Variants in CALD1 observed in about 807,000 individuals in gnomAD.
CALD1 encodes caldesmon.
In CALD1, 33 loss-of-function variants were observed where a neutral mutation model predicts 99.9. That is an observed-to-expected ratio of 0.33 (90% confidence interval 0.25 to 0.44). CALD1 has a LOEUF of 0.44. Ranked by LOEUF, CALD1 falls within the 20% of genes least tolerant of loss-of-function variation. The pLI, the probability that CALD1 is intolerant of heterozygous loss-of-function variation, is 1.00. For missense variants in CALD1, 861 were observed against 962.1 expected, an observed-to-expected ratio of 0.89 and a Z score of 1.39; for synonymous variants, 310 against 325.0, an observed-to-expected ratio of 0.95 and a Z score of 0.50.
chr7:134,883,405 G>A (rs1801698890), intron 3 of CALD1, among the ~76,000 whole-genome samples: 1 of 151,740 alleles, frequency 6.6e-6, no homozygotes. Flanking sequence ...TCTTCATAAT[G>A]TGTTAACATT....
intron 9 of CALD1, among the ~76,000 whole-genome samples, chr7:134,951,006 G>A: frequency 6.6e-6 from 1 of 152,192 alleles, no homozygotes; most frequent in African/African-American, 2.4e-5. Flanking sequence ...AAAGATCAAG[G>A]TGCCAGCAGA....
chr7:134,777,218 G>T (rs1396397560), upstream of CALD1, among the ~76,000 whole-genome samples: 2 of 151,636 alleles, frequency 1.3e-5, no homozygotes, highest in Admixed American at 1.3e-4. Flanking sequence ...AAAGAAAGAA[G>T]AATTTTTCAA....
intron 1 of CALD1, among the ~76,000 whole-genome samples, chr7:134,764,384 G>T (rs1171469160): frequency 2.6e-5 from 4 of 152,202 alleles, no homozygotes. Context: ...GAGAAAAAAA[G>T]AGAAATATAG....
intron 13 of CALD1, among the ~76,000 whole-genome samples, chr7:134,964,150 T>C (rs751453918): frequency 3.8e-4 from 58 of 152,228 alleles, no homozygotes; most frequent in Admixed American, 9.2e-4. Flanking sequence ...TGAGCCGAGA[T>C]TGCGCCACTG....
At chr7:134,958,178 T>C in intron 10 of CALD1, 31 bp from the exon 11 acceptor site, 1 of 1,611,230 alleles carries the variant, frequency 6.2e-7, no homozygotes, top group Non-Finnish European at 8.5e-7. Flanking sequence ...TTCTCTCTCA[T>C]ATTTTTATAT....
chr7:134,937,781 A>G (rs1806106155), intron 6 of CALD1, among the ~76,000 whole-genome samples: 1 of 152,218 alleles, frequency 6.6e-6, no homozygotes, highest in East Asian at 1.9e-4. Context: ...AAATCACTCC[A>G]ATGTCTTAAA....
chr7:134,751,724 C>T (rs898366645), intron 1 of CALD1, among the ~76,000 whole-genome samples: 3 of 152,190 alleles, frequency 2.0e-5, no homozygotes, highest in African/African-American at 7.2e-5. Context: ...CAACTGTAGT[C>T]CCAGCACTTC....
At chr7:134,754,148 G>A (rs1409729346) in intron 1 of CALD1, among the ~76,000 whole-genome samples, 1 of 152,172 alleles carries the variant, frequency 6.6e-6, no homozygotes, top group African/African-American at 2.4e-5. Context: ...TCCTGGGTGA[G>A]GAAGTCACAA....
chr7:134,821,663 A>T (rs1490772248), intron 1 of CALD1, among the ~76,000 whole-genome samples: 1 of 129,744 alleles, frequency 7.7e-6, no homozygotes, highest in Non-Finnish European at 1.6e-5. Context: ...GCTCACTGCA[A>T]CCTCTGCCTC....
At chr7:134,864,185 C>T (rs1435940779) in intron 2 of CALD1, among the ~76,000 whole-genome samples, 3 of 152,012 alleles carry the variant, frequency 2.0e-5, no homozygotes, top group African/African-American at 4.8e-5. Flanking sequence ...CCCGTCTCTA[C>T]TAAAAATAAA....
the CALD1 span, among the ~76,000 whole-genome samples, chr7:134,731,211 T>C: frequency 1.1e-4 from 17 of 152,296 alleles, no homozygotes; most frequent in East Asian, 1.9e-3. Context: ...CCACTGGATC[T>C]TGCTCCTCTG....
At chr7:134,737,432 A>G in the CALD1 span, among the ~76,000 whole-genome samples, 1 of 152,106 alleles carries the variant, frequency 6.6e-6, no homozygotes, top group Non-Finnish European at 1.5e-5. Flanking sequence ...CCTGGCCTCC[A>G]TTAAGTTCTT....
At chr7:134,815,789 C>T (rs1798537276) in intron 1 of CALD1, among the ~76,000 whole-genome samples, 1 of 152,080 alleles carries the variant, frequency 6.6e-6, no homozygotes, top group African/African-American at 2.4e-5. Context: ...GAATACTTAC[C>T]ACCATTTACA....
chr7:134,729,360 A>G, the CALD1 span, among the ~76,000 whole-genome samples: 4 of 152,178 alleles, frequency 2.6e-5, no homozygotes, highest in African/African-American at 9.7e-5. Context: ...CCAGCTAGTA[A>G]ATGGTGGAGC....
At chr7:134,891,324 TA>T (rs1802152401) in intron 3 of CALD1, 4 of 1,131,128 alleles carry the variant, frequency 3.5e-6, no homozygotes, top group Non-Finnish European at 4.4e-6. Context: ...CTCTGATCGC[TA>T]AACATGATGG....
chr7:134,941,024 A>G lies in CALD1; in HGVS notation c.1387-68A>G. The G allele has an allele frequency of 2.9e-6, 4 of 1,390,966 alleles. No homozygotes were observed. In the South Asian group the frequency reaches 5.9e-5, roughly 21 times the overall value. 86.2% of individuals were successfully genotyped at this position (1,390,966 alleles called of 1,614,324 possible). On this transcript the variant is annotated intron_variant, in intron 6 of 14. Coordinates refer to ENST00000361675, the MANE Select transcript of CALD1 (RefSeq NM_033138.4). The stretch of plus-strand genomic sequence containing the variant: ...TCCTAACAATTTTGGGTCTTACTTG[A>G]TGATACCAACCAAAACCTAATAAGA...
At chr7:134,759,415 G>T (rs978950363) in intron 1 of CALD1, among the ~76,000 whole-genome samples, 1 of 152,166 alleles carries the variant, frequency 6.6e-6, no homozygotes, top group African/African-American at 2.4e-5. Flanking sequence ...CAGTCATAAA[G>T]GTTACCTAGA....
At chr7:134,939,749 G>A (rs1424496501) in intron 6 of CALD1, among the ~76,000 whole-genome samples, 7 of 152,126 alleles carry the variant, frequency 4.6e-5, no homozygotes, top group African/African-American at 1.7e-4. Context: ...GATCACTTGA[G>A]GTCAGGAGTT....
intron 1 of CALD1, among the ~76,000 whole-genome samples, chr7:134,813,480 A>C (rs1490186322): frequency 6.6e-6 from 1 of 152,226 alleles, no homozygotes; most frequent in Non-Finnish European, 1.5e-5. Context: ...AGAGCTAAGT[A>C]GGGTTGACCT....
Sources: allele counts gnomAD v4.1 joint callset (sites outside exome capture counted in the v4.1 genomes callset), GRCh38; gene constraint gnomAD v4.1.1; transcripts MANE v1.5; gene names NCBI Gene and HGNC (gene_info 2026-07-23, HGNC 2026-07-21).